The following GRIN3A variants were observed in gnomAD, a reference collection of about 807,000 sequenced individuals.
GRIN3A encodes glutamate ionotropic receptor NMDA type subunit 3A.
GRIN3A carries 47 observed loss-of-function variants against 92.4 expected under a neutral mutation model. The ratio of observed to expected loss-of-function variants is 0.51; its 90% CI spans 0.40 to 0.65. GRIN3A has a LOEUF of 0.65. GRIN3A is among the 30% of genes least tolerant of loss of function. The pLI, the probability that GRIN3A is intolerant of heterozygous loss-of-function variation, is 0.00. For missense variants in GRIN3A, 1,324 were observed against 1,393.1 expected, an observed-to-expected ratio of 0.95 and a Z score of 0.79; for synonymous variants, 527 against 540.6, an observed-to-expected ratio of 0.97 and a Z score of 0.35.
At chr9:101,628,130 G>T in intron 4 of GRIN3A, 126 bp downstream of exon 4, 1 of 842,678 alleles carries the variant, frequency 1.2e-6, no homozygotes, top group Non-Finnish European at 1.9e-6. Context: ...ACAGTGTAAA[G>T]TATTACTTAA....
rs536474532 is a variant in GRIN3A at position 101,646,304 on chromosome 9, C to G, written c.2353-17903G>C. On this transcript the variant is annotated intron_variant, in intron 3 of 8. Coordinates refer to ENST00000361820, the MANE Select transcript of GRIN3A (RefSeq NM_133445.3). Reference sequence around the variant, plus strand: ...CTTCTCCATATGGAGATCCAGTTTTCCTAGTACCAGTTATTGAAGAGACTG... The same window carrying G: ...CTTCTCCATATGGAGATCCAGTTTTGCTAGTACCAGTTATTGAAGAGACTG... Among the ~76,000 whole-genome samples, 11 of 151,906 alleles carry G rather than the reference C, an allele frequency of 7.2e-5. No homozygotes were observed. The East Asian group carries it at 2.1e-3, about 30-fold the overall frequency.
At chr9:101,716,705 G>A (rs185544311) in intron 1 of GRIN3A, among the ~76,000 whole-genome samples, 13 of 152,294 alleles carry the variant, frequency 8.5e-5, no homozygotes, top group Admixed American at 2.6e-4. Context: ...GCAGTGAGGC[G>A]TTTCTGGCTA....
At chr9:101,724,990 C>T (rs1226716840) in intron 1 of GRIN3A, among the ~76,000 whole-genome samples, 2 of 152,278 alleles carry the variant, frequency 1.3e-5, no homozygotes, top group East Asian at 3.9e-4. Context: ...GTCTGAATCT[C>T]GGCATGTCAG....
intron 3 of GRIN3A, among the ~76,000 whole-genome samples, chr9:101,632,664 T>A (rs567027954): frequency 6.6e-6 from 1 of 152,126 alleles, no homozygotes; most frequent in Non-Finnish European, 1.5e-5. Flanking sequence ...CTGTGTGAGA[T>A]TATATTGAAA....
intron 1 of GRIN3A, among the ~76,000 whole-genome samples, chr9:101,736,339 TAAAA>T (rs1830205545): frequency 6.6e-6 from 1 of 152,214 alleles, no homozygotes; most frequent in South Asian, 2.1e-4. Context: ...AAGTAACATA[TAAAA>T]GGCAGAAAAC....
intron 3 of GRIN3A, among the ~76,000 whole-genome samples, chr9:101,643,691 A>ACC (rs1828897053): frequency 6.6e-6 from 1 of 150,926 alleles, no homozygotes; most frequent in African/African-American, 2.4e-5. Context: ...TCTCACACAC[A>ACC]CACACCCACA....
intron 1 of GRIN3A, among the ~76,000 whole-genome samples, chr9:101,731,802 T>A (rs1830141904): frequency 6.6e-6 from 1 of 152,234 alleles, no homozygotes; most frequent in Non-Finnish European, 1.5e-5. Context: ...GTTGGCTTAC[T>A]CTTAGCTCAC....
At chr9:101,645,466 A>G (rs1017232211) in intron 3 of GRIN3A, among the ~76,000 whole-genome samples, 1 of 151,762 alleles carries the variant, frequency 6.6e-6, no homozygotes, top group Non-Finnish European at 1.5e-5. Context: ...ATGCAGATAC[A>G]TTTCTTTGAT....
At chr9:101,686,242 G>T (rs1047117940) in intron 2 of GRIN3A, among the ~76,000 whole-genome samples, 1 of 152,064 alleles carries the variant, frequency 6.6e-6, no homozygotes, top group Non-Finnish European at 1.5e-5. Context: ...AAATTTCATG[G>T]TATCTTTATT....
intron 1 of GRIN3A, among the ~76,000 whole-genome samples, chr9:101,715,246 C>T (rs1211119005): frequency 6.8e-6 from 1 of 147,826 alleles, no homozygotes; most frequent in Non-Finnish European, 1.5e-5. Context: ...TATGCATATC[C>T]AAGAGCCTGG....
At chr9:101,698,107 A>C (rs886189123) in intron 1 of GRIN3A, among the ~76,000 whole-genome samples, 1 of 152,238 alleles carries the variant, frequency 6.6e-6, no homozygotes, top group African/African-American at 2.4e-5. Flanking sequence ...ATGAGGACAG[A>C]AACATTAATT....
At chr9:101,671,594 A>C (rs967299224) in intron 2 of GRIN3A, among the ~76,000 whole-genome samples, 5 of 152,202 alleles carry the variant, frequency 3.3e-5, no homozygotes, top group Admixed American at 6.5e-5. Flanking sequence ...GTATGCATAT[A>C]CTTTAATAAT....
intron 3 of GRIN3A, among the ~76,000 whole-genome samples, chr9:101,641,442 A>G (rs1397148735): frequency 6.6e-6 from 1 of 152,228 alleles, no homozygotes; most frequent in Non-Finnish European, 1.5e-5. Context: ...TACACCATGG[A>G]ATACTATGCA....
chr9:101,619,146 G>A (rs1032649175), intron 5 of GRIN3A, among the ~76,000 whole-genome samples: 9 of 152,282 alleles, frequency 5.9e-5, no homozygotes, highest in South Asian at 2.1e-4. Flanking sequence ...AGAATCTTCC[G>A]AAATGTGGTT....
chr9:101,598,292 C>T (rs1251301664), intron 6 of GRIN3A, among the ~76,000 whole-genome samples: 1 of 152,080 alleles, frequency 6.6e-6, no homozygotes, highest in African/African-American at 2.4e-5. Context: ...TCCCAGTGCT[C>T]AGTAACTACA....
Position 101,737,262 on chromosome 9 carries a change from C to G in GRIN3A, c.699+19G>C. ...CCCAGCAGCGCCCATCTCCACTCCACGCACCAGGCTCCTCTCACCTGACTC... is the reference window on the plus strand; with the variant it reads ...CCCAGCAGCGCCCATCTCCACTCCAGGCACCAGGCTCCTCTCACCTGACTC... On this transcript the variant is annotated intron_variant, in intron 1 of 8. Transcript: ENST00000361820. 6.2e-7 allele frequency: 1 copy of G among 1,608,306 alleles called. No individual in the cohort carries two copies. Among genetic ancestry groups the G allele is most frequent in the Non-Finnish European group, 8.5e-7 (1 of 1,174,632 alleles).
Position 101,737,659 on chromosome 9 carries a change from C to A in GRIN3A, c.321G>T (p.Pro107=). The A allele has an allele frequency of 3.8e-6, 6 of 1,599,048 alleles. No homozygotes were observed. Among genetic ancestry groups the A allele is most frequent in the Non-Finnish European group, 4.3e-6 (5 of 1,175,128 alleles). ...WLGSTLHGRG[P]PGSRKPGEGA... ...CCTCCCCGGGCTTACGGGAGCCCGG[C>A]GGCCCCCGGCCATGCAGGGTGCTCC... Residue 107 remains proline (P), a synonymous_variant, in exon 1 of 9, where the codon CCG becomes CCT. Transcript: ENST00000361820.
intron 1 of GRIN3A, among the ~76,000 whole-genome samples, chr9:101,724,566 G>A (rs747798162): frequency 3.9e-5 from 6 of 152,204 alleles, no homozygotes; most frequent in Non-Finnish European, 5.9e-5. Context: ...ACAGTGCAGC[G>A]GTGGGCTGCA....
At chr9:101,630,605 A>T (rs868190867) in intron 3 of GRIN3A, among the ~76,000 whole-genome samples, 52 of 152,316 alleles carry the variant, frequency 3.4e-4, no homozygotes, top group African/African-American at 1.2e-3. Flanking sequence ...ACTGTGTAAC[A>T]TTGCTTCTGA....
Sources: gnomAD v4.1 joint callset for allele counts (sites outside exome capture counted in the v4.1 genomes callset) on GRCh38, gnomAD v4.1.1 for gene constraint, MANE v1.5 for transcripts, NCBI Gene and HGNC (gene_info 2026-07-23, HGNC 2026-07-21) for gene names.